The following SLC44A5 variants were observed in gnomAD, a reference collection of about 807,000 sequenced individuals.
SLC44A5 encodes the protein choline transporter-like protein 5.
Under a neutral mutation model 101.8 loss-of-function variants are expected in SLC44A5, and 57 were observed. The ratio of observed to expected loss-of-function variants is 0.56; its 90% CI spans 0.45 to 0.70. The LOEUF (loss-of-function observed/expected upper bound fraction) is 0.70. SLC44A5 is among the 30% of genes least tolerant of loss of function. The pLI is 0.00. For synonymous variants in SLC44A5, 281 were observed against 290.9 expected (o/e 0.97, Z 0.35); for missense variants, 737 against 853.1 (o/e 0.86, Z 1.70).
chr1:75,206,421 C>T, intron 23 of SLC44A5: 1 of 485,418 alleles, frequency 2.1e-6, no homozygotes. Context: ...TAGCTGGGAC[C>T]ACTGTCTATA....
chr1:75,286,529 TACC>T (rs1653064616), intron 5 of SLC44A5, among the ~76,000 whole-genome samples: 1 of 152,144 alleles, frequency 6.6e-6, no homozygotes, highest in African/African-American at 2.4e-5. Flanking sequence ...GTTGCCTAAA[TACC>T]TTGATTTTTT....
chr1:75,264,041 G>A (rs996242100), intron 6 of SLC44A5, among the ~76,000 whole-genome samples: 13 of 150,394 alleles, frequency 8.6e-5, no homozygotes, highest in Admixed American at 8.6e-4. Flanking sequence ...ACGACAGGTT[G>A]ATAGGTACAG....
intron 2 of SLC44A5, among the ~76,000 whole-genome samples, chr1:75,401,167 G>A (rs1363146348): frequency 6.6e-6 from 1 of 152,180 alleles, no homozygotes; most frequent in Non-Finnish European, 1.5e-5. Context: ...ACTACTTAGG[G>A]CAAGAAATGG....
intron 2 of SLC44A5, among the ~76,000 whole-genome samples, chr1:75,427,181 G>A (rs901269944): frequency 1.3e-5 from 2 of 152,140 alleles, no homozygotes; most frequent in African/African-American, 4.8e-5. Context: ...ACACCACAGC[G>A]AGATTCTCTC....
chr1:75,526,512 A>C (rs1670415795), intron 2 of SLC44A5, among the ~76,000 whole-genome samples: 1 of 152,074 alleles, frequency 6.6e-6, no homozygotes, highest in Non-Finnish European at 1.5e-5. Context: ...AAATGAAGGA[A>C]GATCCCCCAT....
chr1:75,636,266 G>A, the SLC44A5 span, among the ~76,000 whole-genome samples: 2 of 152,082 alleles, frequency 1.3e-5, no homozygotes, highest in African/African-American at 4.8e-5. Flanking sequence ...TCCTAAGACT[G>A]TTATAAGAAT....
intron 4 of SLC44A5, among the ~76,000 whole-genome samples, chr1:75,329,843 T>G (rs969720743): frequency 1.3e-5 from 2 of 152,114 alleles, no homozygotes; most frequent in African/African-American, 2.4e-5. Context: ...TTTAAGCCAT[T>G]GCAAGAGATA....
chr1:75,244,533 G>A (rs1246651930), intron 7 of SLC44A5, among the ~76,000 whole-genome samples: 2 of 151,960 alleles, frequency 1.3e-5, no homozygotes, highest in Non-Finnish European at 2.9e-5. Context: ...AAATGTAACT[G>A]GGGTTTTATC....
intron 2 of SLC44A5, among the ~76,000 whole-genome samples, chr1:75,445,292 G>A (rs1321879527): frequency 2.0e-5 from 3 of 151,902 alleles, no homozygotes; most frequent in African/African-American, 7.3e-5. Context: ...TGACACGCCT[G>A]CTCCCCTTGT....
At chr1:75,221,565 C>T (rs561976366) in intron 14 of SLC44A5, among the ~76,000 whole-genome samples, 2 of 152,202 alleles carry the variant, frequency 1.3e-5, no homozygotes, top group East Asian at 1.9e-4. Flanking sequence ...ATCAATTGTC[C>T]TGTCTATTAG....
intron 5 of SLC44A5, among the ~76,000 whole-genome samples, chr1:75,287,426 CTTTTTTTTTTT>C (rs371647505): frequency 8.6e-5 from 6 of 69,910 alleles, no homozygotes; most frequent in African/African-American, 1.2e-4. Flanking sequence ...CTTCTGAATT[CTTTTTTTTTTT>C]TTTTTTTTTT....
chr1:75,464,213 C>G, intron 2 of SLC44A5, among the ~76,000 whole-genome samples: 1 of 110,698 alleles, frequency 9.0e-6, no homozygotes, highest in East Asian at 3.4e-4. Flanking sequence ...CAGAGTGAGA[C>G]TCTGTCTCAA....
chr1:75,353,990 GA>G, intron 3 of SLC44A5: 1 of 358,336 alleles, frequency 2.8e-6, no homozygotes, highest in Non-Finnish European at 5.4e-6. Flanking sequence ...GTATTCACTT[GA>G]AGGCCTGCAA....
intron 1 of SLC44A5, among the ~76,000 whole-genome samples, chr1:75,549,402 A>AACTAAAAAT (rs1422373502): frequency 5.3e-5 from 8 of 152,080 alleles, no homozygotes; most frequent in Non-Finnish European, 1.5e-5. Flanking sequence ...ATATTCATGA[A>AACTAAAAAT]ACTAAAAATT....
At chr1:75,666,665 A>G in the SLC44A5 span, among the ~76,000 whole-genome samples, 1 of 152,316 alleles carries the variant, frequency 6.6e-6, no homozygotes, top group South Asian at 2.1e-4. Flanking sequence ...AATATCACTG[A>G]TGAACATCGA....
At chr1:75,244,792 G>T (rs1435010580) in intron 7 of SLC44A5, among the ~76,000 whole-genome samples, 3 of 152,048 alleles carry the variant, frequency 2.0e-5, no homozygotes, top group Non-Finnish European at 4.4e-5. Context: ...TATTGGTTTT[G>T]CTTTTTTTTA....
chr1:75,581,315 ATGGAGCCTGTTAAAAT>A (rs1673685388), intron 1 of SLC44A5, among the ~76,000 whole-genome samples: 1 of 152,210 alleles, frequency 6.6e-6, no homozygotes, highest in Non-Finnish European at 1.5e-5. Flanking sequence ...AAAATTGAAC[ATGGAGCCTGTTAAAAT>A]TGTTCCTTGT....
At chr1:75,481,126 C>A (rs1259654273) in intron 2 of SLC44A5, among the ~76,000 whole-genome samples, 1 of 152,166 alleles carries the variant, frequency 6.6e-6, no homozygotes, top group Non-Finnish European at 1.5e-5. Flanking sequence ...TGATCTTTGG[C>A]AAACCTGAGA....
intron 2 of SLC44A5, among the ~76,000 whole-genome samples, chr1:75,466,530 C>T (rs1328508991): frequency 6.6e-6 from 1 of 151,936 alleles, no homozygotes; most frequent in East Asian, 1.9e-4. Flanking sequence ...GTGGCAGGTG[C>T]CTGTAATCCC....
Sources: allele counts gnomAD v4.1 joint callset (sites outside exome capture counted in the v4.1 genomes callset), GRCh38; gene constraint gnomAD v4.1.1; transcripts MANE v1.5; gene names NCBI Gene and HGNC (gene_info 2026-07-23, HGNC 2026-07-21).